The following RC3H1 variants were observed in gnomAD, a reference collection of about 807,000 sequenced individuals.
RC3H1 encodes the protein ring finger and CCCH-type domains 1, also known as roquin-1.
In RC3H1, 50 loss-of-function variants were observed where a neutral mutation model predicts 138.2. That is an observed-to-expected ratio of 0.36 (90% CI 0.29 to 0.46). The LOEUF is 0.46. Among genes scored for constraint, RC3H1 ranks in the 20% least tolerant of loss-of-function variants. RC3H1 has a pLI of 1.00. For missense variants in RC3H1, 1,031 were observed against 1,388.1 expected (o/e 0.74, Z 4.09); for synonymous variants, 462 against 489.1 (o/e 0.94, Z 0.73).
intron 9 of RC3H1, among the ~76,000 whole-genome samples, chr1:173,967,969 A>G (rs1660195331): frequency 6.6e-6 from 1 of 152,182 alleles, no homozygotes; most frequent in Non-Finnish European, 1.5e-5. Flanking sequence ...AGTTCATTTT[A>G]GTATAAAGAT....
chr1:174,009,620 C>A (rs1661713758), intron 1 of RC3H1, among the ~76,000 whole-genome samples: 1 of 152,112 alleles, frequency 6.6e-6, no homozygotes, highest in African/African-American at 2.4e-5. Context: ...GGGCAGATCA[C>A]TTGAGGTTAG....
intron 1 of RC3H1, among the ~76,000 whole-genome samples, chr1:174,011,238 T>A (rs1321478519): frequency 6.6e-6 from 1 of 151,814 alleles, no homozygotes; most frequent in Non-Finnish European, 1.5e-5. Context: ...CTAACTCAGA[T>A]AATGAATAAA....
chr1:173,973,534 CA>C (rs558441818), intron 7 of RC3H1, among the ~76,000 whole-genome samples: 283 of 89,908 alleles, frequency 3.1e-3, no homozygotes, highest in East Asian at 7.3e-3. Flanking sequence ...AACTCCATCT[CA>C]AAAAAAAAAA....
Position 173,964,111 on chromosome 1 carries a change from G to A in RC3H1, c.1693C>T (p.Leu565=), listed in dbSNP as rs758522824. 4.8e-5 allele frequency: 77 copies of A among 1,614,044 alleles called. No individual in the cohort carries two copies. Among genetic ancestry groups the A allele is most frequent in the Non-Finnish European group, 3.4e-5 (40 of 1,180,012 alleles). ...HSIPPRGPAD[L]PPMPVTKPLQ... ...GGTTTGGTAACAGGCATTGGAGGCA[G>A]ATCTGCTGGCCCCCTTGGAGGTATA... The change falls in exon 11 of 20, where the codon CTG becomes TTG. Residue 565 remains leucine (L), a synonymous_variant. Coordinates refer to ENST00000367696, the MANE Select transcript of RC3H1 (RefSeq NM_172071.4).
chr1:173,945,265 A>G (rs1259322446), intron 17 of RC3H1, among the ~76,000 whole-genome samples: 2 of 151,852 alleles, frequency 1.3e-5, no homozygotes, highest in African/African-American at 4.8e-5. Flanking sequence ...AGCTGAGACT[A>G]CAGGCGTGCA....
intron 13 of RC3H1, among the ~76,000 whole-genome samples, chr1:173,955,051 C>T (rs1016774084): frequency 2.0e-5 from 3 of 151,296 alleles, no homozygotes; most frequent in African/African-American, 7.3e-5. Context: ...ACGGTGAAAC[C>T]CTGTTCCTAC....
At chr1:173,943,362 T>C in intron 18 of RC3H1, 80 bp downstream of exon 18, 1 of 1,424,314 alleles carries the variant, frequency 7.0e-7, no homozygotes, top group Non-Finnish European at 9.6e-7. Context: ...GAAGTGATGA[T>C]TCTGTGCCTC....
Position 173,984,113 on chromosome 1 carries a change from T to C in RC3H1, c.352+386A>G, listed in dbSNP as rs1253812835. 2.0e-5 allele frequency among the ~76,000 whole-genome samples: 3 copies of C among 152,308 alleles called. No homozygotes were observed. The East Asian group carries it at 5.8e-4, about 29-fold the overall frequency. On this transcript the variant is annotated intron_variant, in intron 3 of 19. Transcript: ENST00000367696. ...CTATAGCATAGCATATAAAACTGGATAGAAGGCAAACCATTCAGAATTGTC... is the reference window on the plus strand; with the variant it reads ...CTATAGCATAGCATATAAAACTGGACAGAAGGCAAACCATTCAGAATTGTC...
chr1:173,985,734 C>G (rs1661000835), intron 2 of RC3H1, among the ~76,000 whole-genome samples: 1 of 152,108 alleles, frequency 6.6e-6, no homozygotes, highest in Non-Finnish European at 1.5e-5. Flanking sequence ...AGGCATTCCT[C>G]CAGTCTAACT....
chr1:173,981,118 T>G, intron 5 of RC3H1, 109 bp from the exon 6 acceptor site: 1 of 861,292 alleles, frequency 1.2e-6, no homozygotes. Context: ...CAAGATTAAA[T>G]GAATATACCA....
At chr1:173,954,179 G>A (rs987309383) in intron 13 of RC3H1, among the ~76,000 whole-genome samples, 2 of 152,088 alleles carry the variant, frequency 1.3e-5, no homozygotes, top group Non-Finnish European at 1.5e-5. Flanking sequence ...AATCAACCTA[G>A]GTATCCAGCA....
At chr1:174,001,069 C>T (rs1480341429) in intron 1 of RC3H1, among the ~76,000 whole-genome samples, 1 of 152,046 alleles carries the variant, frequency 6.6e-6, no homozygotes, top group Non-Finnish European at 1.5e-5. Context: ...AGAAGGGCTT[C>T]TGAGTTAGAG....
At chr1:173,985,085 C>G (rs1660969863) in intron 2 of RC3H1, among the ~76,000 whole-genome samples, 2 of 152,196 alleles carry the variant, frequency 1.3e-5, no homozygotes, top group African/African-American at 2.4e-5. Context: ...TCTTTTCTGA[C>G]TTACTTCTTT....
At chr1:173,976,189 C>A (rs564437635) in intron 7 of RC3H1, among the ~76,000 whole-genome samples, 72 of 152,052 alleles carry the variant, frequency 4.7e-4, no homozygotes, top group African/African-American at 1.7e-3. Flanking sequence ...GTAATCCTAG[C>A]ACTTTGGGAG....
At chr1:174,008,976 GAAAAAAA>G (rs59047478) in intron 1 of RC3H1, among the ~76,000 whole-genome samples, 1,993 of 84,224 alleles carry the variant, frequency 0.024, 62 homozygotes, top group African/African-American at 0.073. Context: ...GACTTTGTCT[GAAAAAAA>G]AAAAAAAAAA....
chr1:173,956,730 TATA>T (rs1243102035), intron 13 of RC3H1, among the ~76,000 whole-genome samples: 1 of 150,492 alleles, frequency 6.6e-6, no homozygotes, highest in African/African-American at 2.4e-5. Flanking sequence ...CTTGTACAAT[TATA>T]ATGTGTCTAC....
Position 174,022,347 on chromosome 1 carries a change from CG to C in RC3H1, c.-403del. ...TCCTCCTCGTCCTCCGCCGCCCAGTCGCTCGTTGTCCTCGTCCCCTTCCTCT... is the reference window on the plus strand; with the variant it reads ...TCCTCCTCGTCCTCCGCCGCCCAGTCCTCGTTGTCCTCGTCCCCTTCCTCT... On this transcript the variant is annotated 5_prime_UTR_variant, in exon 1 of 20. Coordinates refer to ENST00000367696, the MANE Select transcript of RC3H1 (RefSeq NM_172071.4). This position sits in a 1 kb window ranked among gnomAD's most constrained non-coding sequence, Gnocchi z 4.2. The C allele has an allele frequency of 1.1e-5, 4 of 378,614 alleles. No homozygotes were observed. The Admixed American group carries it at 1.8e-4, about 17-fold the overall frequency. The allele number at this position is 378,614 out of a possible 1,614,324, so 23.5% of individuals were successfully genotyped here. A position where few individuals can be genotyped will look rare whatever the true frequency, so the allele number is the denominator to read the frequency against.
At chr1:174,004,298 A>G (rs1661614366) in intron 1 of RC3H1, among the ~76,000 whole-genome samples, 1 of 151,630 alleles carries the variant, frequency 6.6e-6, no homozygotes, top group South Asian at 2.1e-4. Flanking sequence ...AATTTTTAGT[A>G]GAAATGAGAT....
rs546972601 is a variant in RC3H1 at position 173,938,655 on chromosome 1, G to A, written c.*66C>T. Reference sequence around the variant, plus strand: ...AAGAGAAAAAGTTTAGAAGTTATGCGTTCTCCTACCCCTATGCCCGACAAA... The same window carrying A: ...AAGAGAAAAAGTTTAGAAGTTATGCATTCTCCTACCCCTATGCCCGACAAA... On this transcript the variant is annotated 3_prime_UTR_variant, in exon 20 of 20. Coordinates refer to ENST00000367696, the MANE Select transcript of RC3H1 (RefSeq NM_172071.4). 4.6e-5 allele frequency: 56 copies of A among 1,217,500 alleles called. No homozygotes were observed. The African/African-American group carries it at 5.5e-4, about 12-fold the overall frequency. The allele number at this position is 1,217,500 out of a possible 1,614,324, so 75.4% of individuals were successfully genotyped here.
Sources: gnomAD v4.1 joint callset for allele counts (sites outside exome capture counted in the v4.1 genomes callset) on GRCh38, gnomAD v4.1.1 for gene constraint, Gnocchi (gnomAD v3.1) non-coding constraint, MANE v1.5 for transcripts, NCBI Gene and HGNC (gene_info 2026-07-23, HGNC 2026-07-21) for gene names.